Variants in QSOX2 observed in about 807,000 individuals in gnomAD.
QSOX2 encodes sulfhydryl oxidase 2.
QSOX2 carries 46 observed loss-of-function variants against 61.7 expected under a neutral mutation model. That is an observed-to-expected ratio of 0.75 (90% CI 0.59 to 0.95). The LOEUF is 0.95. Ranked by LOEUF, QSOX2 falls within the 40% of genes least tolerant of loss-of-function variation. The probability of loss-of-function intolerance (pLI) is 0.00; values close to 1 mark genes in which losing one functional copy is unlikely to be tolerated. For missense variants in QSOX2, 879 were observed against 918.9 expected, an observed-to-expected ratio of 0.96 and a Z score of 0.56; for synonymous variants, 383 against 388.4, an observed-to-expected ratio of 0.99 and a Z score of 0.16.
At chr9:136,232,634 T>G (rs1447317753) in intron 1 of QSOX2, among the ~76,000 whole-genome samples, 1 of 152,076 alleles carries the variant, frequency 6.6e-6, no homozygotes, top group Admixed American at 6.5e-5. Context: ...GGTAAACCAC[T>G]GTCAGGATAC....
At chr9:136,244,984 G>A (rs1207039955) in intron 1 of QSOX2, among the ~76,000 whole-genome samples, 2 of 152,206 alleles carry the variant, frequency 1.3e-5, no homozygotes, top group Non-Finnish European at 2.9e-5. Flanking sequence ...AAGGTTCAAA[G>A]GGAATGGGGT....
intron 6 of QSOX2, among the ~76,000 whole-genome samples, chr9:136,220,160 T>C (rs12351372): frequency 0.021 from 3,250 of 152,068 alleles, 101 homozygotes; most frequent in African/African-American, 0.069. Flanking sequence ...GCCCCTTGAG[T>C]AGATGTAGCC....
At chr9:136,228,836 G>A (rs1253677018) in intron 1 of QSOX2, among the ~76,000 whole-genome samples, 1 of 152,208 alleles carries the variant, frequency 6.6e-6, no homozygotes, top group Non-Finnish European at 1.5e-5. Context: ...CTTGTATTCC[G>A]ATTCTGCCCA....
chr9:136,219,331 C>T (rs1831953948), intron 6 of QSOX2, among the ~76,000 whole-genome samples, 167 bp from the exon 7 acceptor site: 2 of 152,158 alleles, frequency 1.3e-5, no homozygotes, highest in African/African-American at 2.4e-5. Flanking sequence ...GCTCCGGCTG[C>T]GCTTCCACCT....
rs368303324 is a variant in QSOX2 at position 136,209,116 on chromosome 9, G to A, written c.1709C>T (p.Thr570Met). 89 of 1,614,056 alleles carry A rather than the reference G, an allele frequency of 5.5e-5. No homozygotes were observed. Among genetic ancestry groups the A allele is most frequent in the Non-Finnish European group, 7.2e-5 (85 of 1,180,038 alleles). The part of the protein sequence containing the change: ...QHYGRDNLLD[T>M]YSADQGDSSE... ...GGAATCCCCCTGGTCTGCGGAATACGTGTCTAAGAGGTTGTCGCGGCCATA... is the reference window on the plus strand; with the variant it reads ...GGAATCCCCCTGGTCTGCGGAATACATGTCTAAGAGGTTGTCGCGGCCATA... The change falls in exon 12 of 12, where the codon ACG becomes ATG. Residue 570 changes from threonine to methionine, a missense_variant. By Grantham distance (81) the Thr-to-Met change is moderately conservative. Coordinates refer to ENST00000358701, the MANE Select transcript of QSOX2 (RefSeq NM_181701.4). The surrounding 1 kb of genome is among the most constrained non-coding windows in gnomAD (Gnocchi z 5.6).
intron 1 of QSOX2, among the ~76,000 whole-genome samples, chr9:136,227,216 A>G (rs1035203270): frequency 6.6e-6 from 1 of 152,238 alleles, no homozygotes; most frequent in African/African-American, 2.4e-5. Context: ...AGCGGCCGGC[A>G]CTTAAGTCAG....
intron 10 of QSOX2, among the ~76,000 whole-genome samples, chr9:136,213,027 T>A (rs941172857): frequency 6.6e-6 from 1 of 152,050 alleles, no homozygotes; most frequent in Non-Finnish European, 1.5e-5. Flanking sequence ...CTAGAAGAGT[T>A]TAAAATCAAA....
At chr9:136,233,876 A>G (rs1830354156) in intron 1 of QSOX2, among the ~76,000 whole-genome samples, 1 of 152,250 alleles carries the variant, frequency 6.6e-6, no homozygotes, top group African/African-American at 2.4e-5. Context: ...AAACTAAAGC[A>G]AACAGTGGAA....
At chr9:136,210,172 A>C in intron 11 of QSOX2, 1 of 985,486 alleles carries the variant, frequency 1.0e-6, no homozygotes, top group Non-Finnish European at 1.2e-6. Context: ...CTTGGTCAGA[A>C]GCTGCCAGAG....
chr9:136,236,463 C>T (rs1237126301), intron 1 of QSOX2, among the ~76,000 whole-genome samples: 3 of 152,256 alleles, frequency 2.0e-5, no homozygotes, highest in African/African-American at 7.2e-5. Flanking sequence ...CTTGCTTTCC[C>T]TCCAGTTTTG....
At chr9:136,210,206 G>A in intron 11 of QSOX2, 3 of 985,494 alleles carry the variant, frequency 3.0e-6, no homozygotes, top group Non-Finnish European at 3.6e-6. Context: ...TGTCAAATAA[G>A]GCGCCAGCCC....
chr9:136,215,368 T>G, intron 9 of QSOX2, 64 bp from the exon 10 acceptor site: 2 of 1,123,036 alleles, frequency 1.8e-6, no homozygotes, highest in Admixed American at 2.3e-5. Flanking sequence ...TTAAAAACAG[T>G]CGACAGCTGC....
At chr9:136,217,412 A>C (rs763293675) in intron 8 of QSOX2, among the ~76,000 whole-genome samples, 9 of 152,218 alleles carry the variant, frequency 5.9e-5, no homozygotes, top group Non-Finnish European at 1.2e-4. Context: ...CCAGCCACCA[A>C]AAGAGTTCCT....
intron 1 of QSOX2, among the ~76,000 whole-genome samples, chr9:136,240,972 C>T (rs746375611): frequency 2.0e-5 from 3 of 152,188 alleles, no homozygotes; most frequent in East Asian, 1.9e-4. Context: ...GCACGACGAC[C>T]GGCATGACAC....
chr9:136,232,917 C>CAAAAAAAAAAAAAAAAAA (rs60814748), intron 1 of QSOX2, among the ~76,000 whole-genome samples: 25 of 45,366 alleles, frequency 5.5e-4, no homozygotes, highest in African/African-American at 6.6e-4. Flanking sequence ...GAACCTGTCT[C>CAAAAAAAAAAAAAAAAAA]AAAAAAAAAA....
chr9:136,226,704 C>A (rs74362400), intron 2 of QSOX2, 70 bp downstream of exon 2: 11 of 1,258,170 alleles, frequency 8.7e-6, no homozygotes, highest in Non-Finnish European at 1.1e-5. Flanking sequence ...GACAAGCAGC[C>A]GCGTGATGCT....
intron 2 of QSOX2, 144 bp downstream of exon 2, chr9:136,226,630 A>C: frequency 1.3e-6 from 1 of 744,918 alleles, no homozygotes; most frequent in South Asian, 1.5e-5. Flanking sequence ...AATTCCTACG[A>C]AGTTCCAAGG....
chr9:136,218,469 G>A (rs765760024), intron 8 of QSOX2, among the ~76,000 whole-genome samples: 1 of 152,164 alleles, frequency 6.6e-6, no homozygotes, highest in Non-Finnish European at 1.5e-5. Context: ...TACACCCACC[G>A]CCCCAGCCCC....
chr9:136,230,562 G>A (rs901271593), intron 1 of QSOX2, among the ~76,000 whole-genome samples: 7 of 152,162 alleles, frequency 4.6e-5, no homozygotes, highest in African/African-American at 1.4e-4. Flanking sequence ...CTCGGCCTCC[G>A]TGACGGCATC....
Sources: allele counts gnomAD v4.1 joint callset (sites outside exome capture counted in the v4.1 genomes callset), GRCh38; gene constraint gnomAD v4.1.1; non-coding constraint Gnocchi (gnomAD v3.1); transcripts MANE v1.5; gene names NCBI Gene and HGNC (gene_info 2026-07-23, HGNC 2026-07-21).